KALRN: variants seen among roughly 807,000 people sequenced by gnomAD.
KALRN encodes kalirin RhoGEF kinase.
KALRN carries 70 observed loss-of-function variants against 353.7 expected under a neutral mutation model. That is an observed-to-expected ratio of 0.20 (90% CI 0.16 to 0.24). KALRN has a LOEUF of 0.24. Ranked by LOEUF, KALRN falls within the 10% of genes least tolerant of loss-of-function variation. The pLI is 1.00. For missense variants in KALRN, 2,791 were observed against 3,756.7 expected (o/e 0.74, Z 6.72); for synonymous variants, 1,391 against 1,434.8 (o/e 0.97, Z 0.69).
At chr3:124,410,218 C>T (rs541728850) in intron 13 of KALRN, 10 of 533,176 alleles carry the variant, frequency 1.9e-5, no homozygotes, top group Admixed American at 1.2e-4. Flanking sequence ...GGACCGTCGG[C>T]ACCTTCCACT....
chr3:124,542,826 A>C (rs1273876555), intron 33 of KALRN, among the ~76,000 whole-genome samples: 1 of 152,230 alleles, frequency 6.6e-6, no homozygotes, highest in East Asian at 1.9e-4. Context: ...AAATTACTTC[A>C]AAACTTAGAG....
chr3:124,229,597 C>A (rs1160392570), intron 2 of KALRN, among the ~76,000 whole-genome samples: 1 of 152,024 alleles, frequency 6.6e-6, no homozygotes. Flanking sequence ...TGGGCGACAG[C>A]CAAAATAGAG....
In KALRN at chr3:124,632,623, C is replaced by A; in HGVS notation, c.5386C>A (p.Arg1796Ser). ...AAACATCAAAAAGCAGAAGAAAGTT[C>A]GCGATGGTCGGAAGAGCTTTGACCT... is the stretch of plus-strand genomic sequence containing the variant. ...DGNIKKQKKVRDGRKSFDLGS... is the reference protein window; with the variant it reads ...DGNIKKQKKVSDGRKSFDLGS... Residue 1796 changes from arginine (R) to serine (S), a missense_variant, in exon 35 of 60, where the codon CGC (arginine) becomes AGC (serine). Arg to Ser is a moderately radical substitution (Grantham distance 110, BLOSUM62 -1). Around this residue, in one of 11 missense-constraint regions of KALRN, gnomAD observed 1,065 missense variants for 1,156.4 expected, o/e 0.92. Transcript: ENST00000682506. 6.2e-7 allele frequency: 1 copy of A among 1,614,102 alleles called. No individual in the cohort carries two copies. Among genetic ancestry groups the A allele is most frequent in the Non-Finnish European group, 8.5e-7 (1 of 1,180,010 alleles).
intron 45 of KALRN, 23 bp from the exon 46 acceptor site, chr3:124,666,424 TCA>T (rs762863132): frequency 1.9e-6 from 3 of 1,611,068 alleles, no homozygotes; most frequent in Non-Finnish European, 1.7e-6. Flanking sequence ...TTCATTCACT[TCA>T]CCCCAGCCCG....
intron 33 of KALRN, among the ~76,000 whole-genome samples, chr3:124,502,354 C>T (rs566813398): frequency 1.3e-5 from 2 of 152,250 alleles, no homozygotes; most frequent in South Asian, 4.1e-4. Context: ...TGGAGTTTGC[C>T]CTGCCTTGAG....
intron 5 of KALRN, among the ~76,000 whole-genome samples, chr3:124,296,830 G>T (rs2076885948): frequency 6.6e-6 from 1 of 152,198 alleles, no homozygotes; most frequent in African/African-American, 2.4e-5. Context: ...CCTTCATCTG[G>T]CTGATTCCTA....
chr3:124,599,840 T>C (rs1226388714), intron 34 of KALRN, among the ~76,000 whole-genome samples: 1 of 152,206 alleles, frequency 6.6e-6, no homozygotes, highest in Non-Finnish European at 1.5e-5. Context: ...TCTACCCCTT[T>C]CCCAATTTAA....
intron 2 of KALRN, among the ~76,000 whole-genome samples, chr3:124,232,738 G>C (rs550405021): frequency 2.0e-5 from 3 of 152,182 alleles, no homozygotes; most frequent in South Asian, 2.1e-4. Context: ...AATTCTCCAG[G>C]CTTTCTCTTC....
intron 1 of KALRN, among the ~76,000 whole-genome samples, chr3:124,184,802 A>T (rs1444083365): frequency 6.6e-6 from 1 of 152,238 alleles, no homozygotes; most frequent in African/African-American, 2.4e-5. Context: ...CTGGGCACCC[A>T]ATAAATGATT....
chr3:124,583,761 TACCAAC>T (rs1202772786), intron 34 of KALRN, among the ~76,000 whole-genome samples: 24 of 152,184 alleles, frequency 1.6e-4, no homozygotes, highest in Admixed American at 1.6e-3. Flanking sequence ...TGTGGTCCTA[TACCAAC>T]ATCAGCATCA....
chr3:124,547,633 T>A (rs1292852691), intron 33 of KALRN, among the ~76,000 whole-genome samples: 1 of 152,144 alleles, frequency 6.6e-6, no homozygotes, highest in African/African-American at 2.4e-5. Context: ...GTCTCTAGAT[T>A]GGAATCCAAT....
Position 124,650,882 on chromosome 3 carries a change from C to T in KALRN, c.5739C>T (p.Pro1913=). 1 of 1,614,204 alleles carries T rather than the reference C, an allele frequency of 6.2e-7. No individual in the cohort carries two copies. The highest frequency in any genetic ancestry group is 2.2e-5 in the East Asian group (1 of 44,884). ...AGCLNEGMAP[P]TPPKNPEEEQ... ...GCCTGAATGAGGGGATGGCCCCACC[C>T]ACACCTCCTAAAAACCCAGAAGAAG... Residue 1913 remains proline, a synonymous_variant, in exon 38 of 60, where the codon CCC becomes CCT. Coordinates refer to ENST00000682506, the MANE Select transcript of KALRN (RefSeq NM_001388419.1).
At chr3:124,449,183 G>C (rs138097079) in intron 21 of KALRN, among the ~76,000 whole-genome samples, 1 of 152,106 alleles carries the variant, frequency 6.6e-6, no homozygotes, top group Non-Finnish European at 1.5e-5. Flanking sequence ...AAACCAAATT[G>C]ACCTTTAGCC....
chr3:124,115,475 G>A (rs911208590), intron 1 of KALRN, among the ~76,000 whole-genome samples: 1 of 152,116 alleles, frequency 6.6e-6, no homozygotes, highest in African/African-American at 2.4e-5. Flanking sequence ...CCACTTCTCT[G>A]TTTTGGGCGT....
chr3:124,544,409 A>G (rs1383535422), intron 33 of KALRN, among the ~76,000 whole-genome samples: 1 of 152,146 alleles, frequency 6.6e-6, no homozygotes, highest in Non-Finnish European at 1.5e-5. Flanking sequence ...AAAAATACAA[A>G]AATGAGTCAG....
intron 6 of KALRN, among the ~76,000 whole-genome samples, chr3:124,304,344 C>A (rs1384162858): frequency 1.3e-5 from 2 of 152,138 alleles, no homozygotes; most frequent in African/African-American, 2.4e-5. Flanking sequence ...ATGCAGATTT[C>A]TTTTTGATTA....
At chr3:124,668,041 G>A (rs992060157) in intron 47 of KALRN, among the ~76,000 whole-genome samples, 4 of 104,066 alleles carry the variant, frequency 3.8e-5, no homozygotes, top group East Asian at 2.6e-4. Flanking sequence ...CCTGTATATC[G>A]AGACACACAC....
chr3:124,676,545 C>A (rs1274014305), intron 49 of KALRN, among the ~76,000 whole-genome samples: 1 of 152,164 alleles, frequency 6.6e-6, no homozygotes, highest in African/African-American at 2.4e-5. Flanking sequence ...GCCTGCCCTG[C>A]CATTTATACT....
Position 124,069,327 on chromosome 3 carries a change from AGGAGGAGGAGG to A in KALRN, c.73+35515_73+35525del, listed in dbSNP as rs2042644173. ...ATGGAAACCTAGGAGGAGGAGGAGG[AGGAGGAGGAGG>A]AGGAGGAGGAGGAGGAGGAGGAGGA... is the stretch of plus-strand genomic sequence containing the variant. On this transcript the variant is annotated intron_variant, in intron 1 of 59. Transcript: ENST00000682506. Among the ~76,000 whole-genome samples the A allele has an allele frequency of 4.7e-5, 5 of 105,290 alleles. No individual in the cohort carries two copies. In the Admixed American group the frequency reaches 4.8e-4, roughly 10 times the overall value. The allele number at this position is 105,290 out of a possible 152,430, so 69.1% of individuals were successfully genotyped here. A position where few individuals can be genotyped will look rare whatever the true frequency, so the allele number is the denominator to read the frequency against.
Sources: allele counts gnomAD v4.1 joint callset (sites outside exome capture counted in the v4.1 genomes callset), GRCh38; gene constraint gnomAD v4.1.1; regional missense constraint gnomAD v4.1.1; transcripts MANE v1.5; gene names NCBI Gene and HGNC (gene_info 2026-07-23, HGNC 2026-07-21).